Variants in KHDRBS2 observed in about 807,000 individuals in gnomAD.
The protein encoded by KHDRBS2 is KH domain-containing, RNA-binding, signal transduction-associated protein 2.
In KHDRBS2, 26 loss-of-function variants were observed where a neutral mutation model predicts 44.3. That is an observed-to-expected ratio of 0.59 (90% CI 0.43 to 0.81). The LOEUF is 0.81. KHDRBS2 is among the 40% of genes least tolerant of loss of function. The pLI, the probability that KHDRBS2 is intolerant of heterozygous loss-of-function variation, is 0.00. For synonymous variants in KHDRBS2, 194 were observed against 151.1 expected (o/e 1.28, Z -2.08); for missense variants, 476 against 433.1 (o/e 1.10, Z -0.88).
At chr6:61,606,729 A>T in the KHDRBS2 span, among the ~76,000 whole-genome samples, 1 of 152,206 alleles carries the variant, frequency 6.6e-6, no homozygotes, top group Admixed American at 6.5e-5. Flanking sequence ...AGACTGGCTG[A>T]GTGATCTTTC....
intron 6 of KHDRBS2, among the ~76,000 whole-genome samples, chr6:61,893,908 A>G (rs1482459714): frequency 6.6e-6 from 1 of 152,110 alleles, no homozygotes; most frequent in Non-Finnish European, 1.5e-5. Context: ...TAATAAAAAA[A>G]AAAACATTTA....
At chr6:62,132,735 A>G (rs969815041) in intron 2 of KHDRBS2, among the ~76,000 whole-genome samples, 7 of 152,192 alleles carry the variant, frequency 4.6e-5, no homozygotes, top group Non-Finnish European at 1.0e-4. Flanking sequence ...TATTATTTTC[A>G]TTACACCATT....
intron 8 of KHDRBS2, among the ~76,000 whole-genome samples, chr6:61,687,593 T>C (rs1206051123): frequency 1.3e-5 from 2 of 151,932 alleles, no homozygotes; most frequent in Non-Finnish European, 2.9e-5. Context: ...TTTTTCTTGT[T>C]GAAAGATTCC....
the KHDRBS2 span, among the ~76,000 whole-genome samples, chr6:61,601,510 T>G: frequency 6.6e-6 from 1 of 152,276 alleles, no homozygotes; most frequent in South Asian, 2.1e-4. Context: ...TTTTCCATAC[T>G]ACAAGATCTT....
chr6:62,103,628 G>A (rs1268334380), intron 2 of KHDRBS2, among the ~76,000 whole-genome samples: 5 of 146,458 alleles, frequency 3.4e-5, no homozygotes, highest in Non-Finnish European at 5.9e-5. Flanking sequence ...CAGGAGCGCA[G>A]GCTTCCACCC....
chr6:62,259,557 T>A (rs1677112554), intron 1 of KHDRBS2, among the ~76,000 whole-genome samples: 1 of 152,044 alleles, frequency 6.6e-6, no homozygotes, highest in South Asian at 2.1e-4. Flanking sequence ...CAATGTTTTA[T>A]TTTGTTAATA....
chr6:62,177,882 A>T (rs1821461080), intron 1 of KHDRBS2, among the ~76,000 whole-genome samples: 1 of 151,430 alleles, frequency 6.6e-6, no homozygotes, highest in Non-Finnish European at 1.5e-5. Flanking sequence ...TCAATAAGAC[A>T]TTATATAGGT....
In KHDRBS2 at chr6:61,894,814, G is replaced by T; in HGVS notation, c.631C>A (p.Pro211Thr). Reference sequence around the variant, plus strand: ...CCTCGTCCAGGTGGTGGGGGAGGAGGAATGGCACCCCCACGGCCCCTAAGA... The same window carrying T: ...CCTCGTCCAGGTGGTGGGGGAGGAGTAATGGCACCCCCACGGCCCCTAAGA... ...APSRGRGGAI[P>T]PPPPPGRGVL... Residue 211 changes from proline (P) to threonine (T), a missense_variant, in exon 6 of 9, where the codon CCT (proline) becomes ACT (threonine). By Grantham distance (38) the Pro-to-Thr change is conservative. Transcript: ENST00000281156. 1.2e-6 allele frequency: 2 copies of T among 1,611,856 alleles called. No individual in the cohort carries two copies. Among genetic ancestry groups the T allele is most frequent in the Non-Finnish European group, 1.7e-6 (2 of 1,179,120 alleles).
At chr6:61,923,244 A>G (rs1808370543) in intron 4 of KHDRBS2, among the ~76,000 whole-genome samples, 1 of 152,128 alleles carries the variant, frequency 6.6e-6, no homozygotes, top group Non-Finnish European at 1.5e-5. Context: ...GAATTACTAA[A>G]AAAATTAAAA....
chr6:62,117,758 T>C (rs1806614809), intron 2 of KHDRBS2, among the ~76,000 whole-genome samples: 1 of 152,148 alleles, frequency 6.6e-6, no homozygotes, highest in Non-Finnish European at 1.5e-5. Flanking sequence ...TTTAAATATT[T>C]AAGCCATTTT....
At chr6:61,967,068 A>T (rs1354926076) in intron 4 of KHDRBS2, among the ~76,000 whole-genome samples, 1 of 151,900 alleles carries the variant, frequency 6.6e-6, no homozygotes, top group East Asian at 1.9e-4. Flanking sequence ...AAATAGAATT[A>T]TGGTAGTTTC....
intron 8 of KHDRBS2, among the ~76,000 whole-genome samples, chr6:61,690,795 C>A (rs1392049476): frequency 6.6e-6 from 1 of 151,956 alleles, no homozygotes; most frequent in Non-Finnish European, 1.5e-5. Context: ...TTCATCCTTT[C>A]AGTAGTCATG....
chr6:61,933,831 G>A (rs906811960), intron 4 of KHDRBS2, among the ~76,000 whole-genome samples: 1 of 152,122 alleles, frequency 6.6e-6, no homozygotes, highest in African/African-American at 2.4e-5. Flanking sequence ...ATGGATTGCT[G>A]GATCATTTGG....
intron 4 of KHDRBS2, among the ~76,000 whole-genome samples, chr6:61,974,938 AAATAAAT>A: frequency 3.4e-4 from 1 of 2,972 alleles, no homozygotes; most frequent in Admixed American, 5.6e-3. Context: ...CTTAAAAAAT[AAATAAAT>A]AAATAAATAA....
intron 4 of KHDRBS2, among the ~76,000 whole-genome samples, chr6:61,927,364 T>C (rs1281590179): frequency 6.6e-6 from 1 of 152,110 alleles, no homozygotes; most frequent in Admixed American, 6.6e-5. Flanking sequence ...CAGCATAAAA[T>C]CTAAATGACA....
chr6:61,869,812 C>T (rs901348649), intron 6 of KHDRBS2, among the ~76,000 whole-genome samples: 1 of 152,074 alleles, frequency 6.6e-6, no homozygotes, highest in African/African-American at 2.4e-5. Context: ...CCTGAGGAAC[C>T]GTGGATGCCG....
Position 62,109,911 on chromosome 6 carries a change from A to G in KHDRBS2, c.220-61917T>C, listed in dbSNP as rs567252152. The stretch of plus-strand genomic sequence containing the variant: ...ATTCCATACTTTAATTTAAAACATA[A>G]AACTATAAAACTTCTAAAAGAAGAC... On this transcript the variant is annotated intron_variant, in intron 2 of 8. Transcript: ENST00000281156. Among the ~76,000 whole-genome samples the G allele has an allele frequency of 1.1e-4, 17 of 152,002 alleles. No homozygotes were observed. In the East Asian group the frequency reaches 2.9e-3, roughly 26 times the overall value.
chr6:61,613,002 G>A, the KHDRBS2 span, among the ~76,000 whole-genome samples: 1 of 151,710 alleles, frequency 6.6e-6, no homozygotes, highest in Non-Finnish European at 1.5e-5. Flanking sequence ...ACAGGTGCCC[G>A]CCACAACTCC....
chr6:61,685,930 C>T (rs1485182098), intron 8 of KHDRBS2, among the ~76,000 whole-genome samples: 3 of 151,542 alleles, frequency 2.0e-5, no homozygotes, highest in Non-Finnish European at 3.0e-5. Context: ...AGCATAGGAA[C>T]GAGGGGTCAA....
Sources: gnomAD v4.1 joint callset for allele counts (sites outside exome capture counted in the v4.1 genomes callset) on GRCh38, gnomAD v4.1.1 for gene constraint, MANE v1.5 for transcripts, NCBI Gene and HGNC (gene_info 2026-07-23, HGNC 2026-07-21) for gene names.